The following FOXP2 variants were observed in gnomAD, a reference collection of about 807,000 sequenced individuals.
FOXP2 encodes forkhead box protein P2.
FOXP2 carries 12 observed loss-of-function variants against 115.8 expected under a neutral mutation model. That is an observed-to-expected ratio of 0.10 (90% CI 0.07 to 0.17). The LOEUF is 0.17. Ranked by LOEUF, FOXP2 falls within the 10% of genes least tolerant of loss-of-function variation. FOXP2 has a pLI of 1.00. For synonymous variants in FOXP2, 328 were observed against 297.7 expected (o/e 1.10, Z -1.05); for missense variants, 629 against 843.5 (o/e 0.75, Z 3.15).
At chr7:114,183,338 C>A (rs547594090) in intron 1 of FOXP2, among the ~76,000 whole-genome samples, 150 of 152,182 alleles carry the variant, frequency 9.9e-4, no homozygotes, top group Middle Eastern at 3.4e-3. Context: ...AAGCATAGAA[C>A]TGCTGACTAT....
At chr7:114,341,750 C>T (rs914059055) in intron 2 of FOXP2, among the ~76,000 whole-genome samples, 1 of 151,226 alleles carries the variant, frequency 6.6e-6, no homozygotes, top group Non-Finnish European at 1.5e-5. Context: ...CCCTCATTAG[C>T]TAACTACACC....
intron 3 of FOXP2, among the ~76,000 whole-genome samples, chr7:114,615,896 A>G (rs1292809931): frequency 6.6e-6 from 1 of 152,150 alleles, no homozygotes; most frequent in Non-Finnish European, 1.5e-5. Context: ...CTCAGGTTTT[A>G]GCTTAAATGC....
At chr7:114,212,124 T>A (rs1043223867) in intron 1 of FOXP2, among the ~76,000 whole-genome samples, 1 of 143,086 alleles carries the variant, frequency 7.0e-6, no homozygotes, top group African/African-American at 2.5e-5. Flanking sequence ...TAAAATAAAA[T>A]ATATATATAT....
intron 2 of FOXP2, among the ~76,000 whole-genome samples, chr7:114,479,295 A>G (rs1796421118): frequency 6.6e-6 from 1 of 151,706 alleles, no homozygotes; most frequent in African/African-American, 2.4e-5. Flanking sequence ...CATCACAGAC[A>G]CAATGTGGTA....
intron 1 of FOXP2, among the ~76,000 whole-genome samples, chr7:114,265,408 T>G (rs1795872763): frequency 6.6e-6 from 1 of 152,206 alleles, no homozygotes; most frequent in South Asian, 2.1e-4. Flanking sequence ...CAGGGCACAC[T>G]GATACAAGTG....
At chr7:114,260,523 A>G (rs1380161715) in intron 1 of FOXP2, among the ~76,000 whole-genome samples, 2 of 151,982 alleles carry the variant, frequency 1.3e-5, no homozygotes, top group East Asian at 3.9e-4. Context: ...GCCTTAGATG[A>G]CTCTATTTAA....
Position 114,578,027 on chromosome 7 carries a change from A to G in FOXP2, c.258+43321A>G, listed in dbSNP as rs116368724. ...AACAAGCTTAAAAGTTTAGGAATTCAATATTTCTAGTGTATCATATACATA... is the reference window on the plus strand; with the variant it reads ...AACAAGCTTAAAAGTTTAGGAATTCGATATTTCTAGTGTATCATATACATA... On this transcript the variant is annotated intron_variant, in intron 3 of 16. Coordinates refer to ENST00000350908, the MANE Select transcript of FOXP2 (RefSeq NM_014491.4). 6.6e-3 allele frequency among the ~76,000 whole-genome samples: 1,006 copies of G among 152,100 alleles called. 10 individuals are homozygous for G. Among genetic ancestry groups the G allele is most frequent in the African/African-American group, 0.023 (953 of 41,544 alleles).
chr7:114,466,947 G>T (rs56101597), intron 2 of FOXP2, among the ~76,000 whole-genome samples: 18,137 of 152,204 alleles, frequency 0.12, 1,375 homozygotes, highest in South Asian at 0.19. Flanking sequence ...TGCAATGTGT[G>T]AAATTTGAGA....
At chr7:114,485,424 A>T (rs1562954201) in intron 2 of FOXP2, among the ~76,000 whole-genome samples, 2 of 151,986 alleles carry the variant, frequency 1.3e-5, no homozygotes, top group Admixed American at 6.6e-5. Context: ...GAGGTCTTAA[A>T]TTTTTTTTAA....
At position 114,176,076 on chromosome 7, in the gene FOXP2, T is replaced by C. The variant is rs190383725; in HGVS notation, c.-102+12988T>C. 3.0e-3 allele frequency among the ~76,000 whole-genome samples: 461 copies of C among 152,260 alleles called. 6 individuals are homozygous for C. Among genetic ancestry groups the C allele is most frequent in the Middle Eastern group, 6.8e-3 (2 of 294 alleles). On this transcript the variant is annotated intron_variant, in intron 1 of 17. Coordinates refer to the FOXP2 transcript ENST00000634411. Reference sequence around the variant, plus strand: ...TTTTGTTTTTGGGGATTTTAAAATTTATATTAGCAGCATCATATCAAATCT... The same window carrying C: ...TTTTGTTTTTGGGGATTTTAAAATTCATATTAGCAGCATCATATCAAATCT...
intron 2 of FOXP2, among the ~76,000 whole-genome samples, chr7:114,369,733 CT>C (rs1417206079): frequency 2.0e-5 from 3 of 152,046 alleles, no homozygotes; most frequent in Admixed American, 1.3e-4. Flanking sequence ...GTTTAAGCCC[CT>C]ATCAACAGAT....
chr7:114,293,511 A>G (rs1409242307), intron 2 of FOXP2, among the ~76,000 whole-genome samples: 1 of 152,216 alleles, frequency 6.6e-6, no homozygotes, highest in African/African-American at 2.4e-5. Context: ...AGCCTCAGTA[A>G]CTATTTGAGA....
chr7:114,412,834 C>T (rs1411153176), upstream of FOXP2, among the ~76,000 whole-genome samples: 1 of 152,054 alleles, frequency 6.6e-6, no homozygotes, highest in Non-Finnish European at 1.5e-5. Context: ...AGACAGCAAA[C>T]CCAGCTTTTT....
chr7:114,653,551 C>T (rs1160226168), intron 9 of FOXP2: 11 of 330,120 alleles, frequency 3.3e-5, no homozygotes, highest in Non-Finnish European at 5.9e-5. Context: ...GAGAACCCTT[C>T]ACCCCTTCAC....
chr7:114,629,108 A>G, intron 4 of FOXP2: 1 of 187,738 alleles, frequency 5.3e-6, no homozygotes, highest in Middle Eastern at 2.7e-3. Context: ...AACATCCCAG[A>G]TTTTCCTTTT....
chr7:114,227,404 T>A (rs1794770164), intron 1 of FOXP2, among the ~76,000 whole-genome samples: 1 of 152,064 alleles, frequency 6.6e-6, no homozygotes, highest in African/African-American at 2.4e-5. Context: ...GCATTCTGAT[T>A]TGTCTCTCTT....
intron 2 of FOXP2, among the ~76,000 whole-genome samples, chr7:114,440,487 A>T (rs1794551885): frequency 6.6e-6 from 1 of 152,132 alleles, no homozygotes; most frequent in Non-Finnish European, 1.5e-5. Context: ...AAGTCGTTAT[A>T]TTATCACTAA....
chr7:114,231,591 C>T (rs1313728586), intron 1 of FOXP2, among the ~76,000 whole-genome samples: 1 of 152,134 alleles, frequency 6.6e-6, no homozygotes, highest in Non-Finnish European at 1.5e-5. Context: ...AAATGATCTT[C>T]CACAGTGATG....
At chr7:114,426,357 C>T in intron 1 of FOXP2, 145 bp from the exon 2 acceptor site, 1 of 723,580 alleles carries the variant, frequency 1.4e-6, no homozygotes, top group Non-Finnish European at 2.3e-6. Context: ...ATTTGTATTG[C>T]TTTCCTTGGT....
Sources: gnomAD v4.1 joint callset for allele counts (sites outside exome capture counted in the v4.1 genomes callset) on GRCh38, gnomAD v4.1.1 for gene constraint, MANE v1.5 for transcripts, NCBI Gene and HGNC (gene_info 2026-07-23, HGNC 2026-07-21) for gene names.